Variants in MCF2L observed in about 807,000 individuals in gnomAD.
MCF2L encodes guanine nucleotide exchange factor DBS.
In MCF2L, 97 loss-of-function variants were observed where a neutral mutation model predicts 153.4. The ratio of observed to expected loss-of-function variants is 0.63; its 90% CI spans 0.54 to 0.75. The LOEUF is 0.75. Among genes scored for constraint, MCF2L ranks in the 30% least tolerant of loss-of-function variants. The probability of loss-of-function intolerance (pLI) is 0.00; values close to 1 mark genes in which losing one functional copy is unlikely to be tolerated. For missense variants in MCF2L, 1,347 were observed against 1,495.2 expected (o/e 0.90, Z 1.64); for synonymous variants, 659 against 632.2 (o/e 1.04, Z -0.64).
At chr13:112,994,678 G>A (rs1037459187) in intron 1 of MCF2L, among the ~76,000 whole-genome samples, 1 of 152,222 alleles carries the variant, frequency 6.6e-6, no homozygotes, top group East Asian at 1.9e-4. Context: ...CTTCATCCCG[G>A]GCAGTAAATC....
At chr13:113,008,839 C>G (rs1445555499) in intron 1 of MCF2L, 1 of 152,234 alleles carries the variant, frequency 6.6e-6, no homozygotes, top group African/African-American at 2.4e-5. Flanking sequence ...GAGCTTGGTC[C>G]CAAACAACAC....
chr13:112,999,776 G>A (rs971985603), intron 1 of MCF2L, among the ~76,000 whole-genome samples: 14 of 152,344 alleles, frequency 9.2e-5, no homozygotes, highest in East Asian at 7.7e-4. Context: ...GGGACCCACC[G>A]TGTGGCACCG....
chr13:112,949,763 C>T (rs1221469377), intron 2 of MCF2L, among the ~76,000 whole-genome samples: 1 of 151,568 alleles, frequency 6.6e-6, no homozygotes, highest in African/African-American at 2.4e-5. Flanking sequence ...TAATGACTAC[C>T]TACAAAAAAT....
chr13:112,984,295 G>A (rs1555358829), intron 1 of MCF2L, among the ~76,000 whole-genome samples: 1 of 151,966 alleles, frequency 6.6e-6, no homozygotes, highest in Non-Finnish European at 1.5e-5. Flanking sequence ...GAGTGCAATG[G>A]TGTGATCTTG....
intron 2 of MCF2L, among the ~76,000 whole-genome samples, chr13:112,939,809 C>T (rs1348933812): frequency 1.3e-5 from 2 of 151,980 alleles, no homozygotes; most frequent in Non-Finnish European, 1.5e-5. Flanking sequence ...GAAACCTCAT[C>T]TCTATGCAAA....
Position 113,076,177 on chromosome 13 carries a change from T to A in MCF2L, c.1500+20T>A. ...CTCATGGTAACGCTGACTCGGGCTC[T>A]CCATTTGCAGCTTGCTGTCCCGAGC... On this transcript the variant is annotated intron_variant, in intron 12 of 29. Transcript: ENST00000535094. 1 of 1,595,586 alleles carries A rather than the reference T, an allele frequency of 6.3e-7. No homozygotes were observed. Among genetic ancestry groups the A allele is most frequent in the Non-Finnish European group, 8.6e-7 (1 of 1,168,242 alleles).
At chr13:112,976,159 CTTGT>C (rs2082205634) in intron 1 of MCF2L, among the ~76,000 whole-genome samples, 1 of 147,848 alleles carries the variant, frequency 6.8e-6, no homozygotes, top group Non-Finnish European at 1.5e-5. Flanking sequence ...TTTTTGTTTG[CTTGT>C]TTGTGTGTGT....
chr13:113,084,463 G>A lies in MCF2L; in HGVS notation c.2061+396G>A, dbSNP rs189269632. ...CCCTAGAACCATCTGTGCCCTAGAG[G>A]CACCCAGGAGCAATTGCACTTCACA... is the stretch of plus-strand genomic sequence containing the variant. On this transcript the variant is annotated intron_variant, in intron 18 of 29. Coordinates refer to ENST00000535094, the MANE Select transcript of MCF2L (RefSeq NM_001112732.3). 1.9e-3 allele frequency: 595 copies of A among 315,194 alleles called. 5 individuals are homozygous for A. The highest frequency in any genetic ancestry group is 0.012 in the African/African-American group (549 of 46,910). 19.5% of individuals were successfully genotyped at this position (315,194 alleles called of 1,614,324 possible).
intron 2 of MCF2L, among the ~76,000 whole-genome samples, chr13:112,939,185 G>T (rs2081550906): frequency 6.6e-6 from 1 of 152,184 alleles, no homozygotes; most frequent in Admixed American, 6.5e-5. Context: ...GACACATAAA[G>T]AATTTTGTTT....
rs995223215 is a variant in MCF2L, at chr13:113,045,052, C to G, written c.279-219C>G. The stretch of plus-strand genomic sequence containing the variant: ...TTGGTGTTAGGCTGAGAAATAAGAA[C>G]ACACCAAAAGTGCCTGCCCTTCCGT... On this transcript the variant is annotated intron_variant, in intron 3 of 29. Transcript: ENST00000535094. The surrounding 1 kb of genome is among the most constrained non-coding windows in gnomAD (Gnocchi z 4.2). The G allele has an allele frequency of 9.2e-7, 1 of 1,086,964 alleles. No individual in the cohort carries two copies. 67.3% of individuals were successfully genotyped at this position (1,086,964 alleles called of 1,614,324 possible). A position where few individuals can be genotyped will look rare whatever the true frequency, so the allele number is the denominator to read the frequency against.
intron 5 of MCF2L, among the ~76,000 whole-genome samples, chr13:113,063,360 G>A (rs1347455049): frequency 2.6e-5 from 4 of 151,168 alleles, no homozygotes; most frequent in East Asian, 1.9e-4. Context: ...CTGCACAGCC[G>A]CCCACAGCGT....
At position 112,983,598 on chromosome 13, in the gene MCF2L, C is replaced by G. The variant is rs999900974; in HGVS notation, c.79+14140C>G. On this transcript the variant is annotated intron_variant, in intron 1 of 29. Transcript: ENST00000535094. This position sits in a 1 kb window ranked among gnomAD's most constrained non-coding sequence, Gnocchi z 4.0. ...GGCGGAGACAGGGAGCCGGGAGGAG[C>G]GTCAGATGCCTGTGGCCTCTTTACA... Among the ~76,000 whole-genome samples, 1 of 152,212 alleles carries G rather than the reference C, an allele frequency of 6.6e-6. No individual in the cohort carries two copies. The highest frequency in any genetic ancestry group is 1.5e-5 in the Non-Finnish European group (1 of 68,030).
At chr13:113,071,745 G>A (rs1319139344) in intron 9 of MCF2L, among the ~76,000 whole-genome samples, 1 of 152,184 alleles carries the variant, frequency 6.6e-6, no homozygotes, top group Non-Finnish European at 1.5e-5. Flanking sequence ...TCCTCTGTCT[G>A]TACCACAAGG....
At chr13:113,002,857 C>G (rs1305823377) in intron 1 of MCF2L, among the ~76,000 whole-genome samples, 2 of 152,174 alleles carry the variant, frequency 1.3e-5, no homozygotes, top group African/African-American at 4.8e-5. Flanking sequence ...GAATGAACAT[C>G]TAAAGTTTCC....
chr13:113,044,801 T>C, intron 3 of MCF2L: 1 of 1,612,870 alleles, frequency 6.2e-7, no homozygotes, highest in Non-Finnish European at 8.5e-7. Flanking sequence ...GTCTTGGGGA[T>C]TTTCTCCCAG....
At chr13:112,973,634 C>T (rs1057209760) in intron 1 of MCF2L, among the ~76,000 whole-genome samples, 5 of 152,202 alleles carry the variant, frequency 3.3e-5, no homozygotes, top group African/African-American at 4.8e-5. Context: ...GCCCTCCATG[C>T]GAAGACGGCG....
At chr13:113,003,246 C>T (rs2083480265) in intron 1 of MCF2L, among the ~76,000 whole-genome samples, 1 of 151,800 alleles carries the variant, frequency 6.6e-6, no homozygotes, top group African/African-American at 2.4e-5. Context: ...GGGTAGGTGG[C>T]CCCCGTGGGT....
chr13:113,092,756 A>C (rs79534398), intron 26 of MCF2L, among the ~76,000 whole-genome samples: 12,622 of 151,846 alleles, frequency 0.083, 722 homozygotes, highest in East Asian at 0.27. Context: ...CGTTCCCATC[A>C]TGGTCAGACC....
chr13:113,034,348 GTTGGTC>G (rs1317036305), intron 3 of MCF2L, among the ~76,000 whole-genome samples: 5 of 152,100 alleles, frequency 3.3e-5, no homozygotes, highest in African/African-American at 1.2e-4. Context: ...TGTTGCCCAG[GTTGGTC>G]TTGAACTCCT....
Sources: allele counts gnomAD v4.1 joint callset (sites outside exome capture counted in the v4.1 genomes callset), GRCh38; gene constraint gnomAD v4.1.1; non-coding constraint Gnocchi (gnomAD v3.1); transcripts MANE v1.5; gene names NCBI Gene and HGNC (gene_info 2026-07-23, HGNC 2026-07-21).